SPDEF: variants seen among roughly 807,000 people sequenced by gnomAD.
SPDEF encodes SAM pointed domain containing ETS transcription factor, also known as SAM pointed domain-containing Ets transcription factor.
SPDEF carries 12 observed loss-of-function variants against 36.0 expected under a neutral mutation model. That is an observed-to-expected ratio of 0.33 (90% CI 0.21 to 0.54). SPDEF has a LOEUF of 0.54. SPDEF is among the 20% of genes least tolerant of loss of function. The probability of loss-of-function intolerance (pLI) is 0.93; values close to 1 mark genes in which losing one functional copy is unlikely to be tolerated. For missense variants in SPDEF, 388 were observed against 456.9 expected (o/e 0.85, Z 1.37); for synonymous variants, 205 against 193.0 (o/e 1.06, Z -0.51).
In SPDEF at chr6:34,545,438, C is replaced by T. The variant is rs974840514; in HGVS notation, c.-29-954G>A. Among the ~76,000 whole-genome samples the T allele has an allele frequency of 1.2e-4, 19 of 152,278 alleles. 1 individual carries two copies. Among genetic ancestry groups the T allele is most frequent in the Non-Finnish European group, 2.6e-4 (18 of 68,056 alleles). ...GGGAACCATCTGGCCTCAACACAAG[C>T]AGTCAGAGGCCTTGCTCCCCACGGG... On this transcript the variant is annotated intron_variant, in intron 1 of 5. Coordinates refer to ENST00000374037, the MANE Select transcript of SPDEF (RefSeq NM_012391.3).
rs1767892295 is a variant in SPDEF at position 34,544,172 on chromosome 6, A to G, written c.284T>C (p.Val95Ala). The G allele has an allele frequency of 6.2e-7, 1 of 1,613,712 alleles. No homozygotes were observed. The highest frequency in any genetic ancestry group is 8.5e-7 in the Non-Finnish European group (1 of 1,179,952). ...GCCCGCTGGGGCTTGGCTGTCAATG[A>G]CCGGGCACTGCTCAGGCTCCTCAGG... is the stretch of plus-strand genomic sequence containing the variant. Reference protein sequence around the residue: ...EPPEEPEQCPVIDSQAPAGSL... With the variant: ...EPPEEPEQCPAIDSQAPAGSL... The change falls in exon 2 of 6, where the codon GTC (valine) becomes GCC (alanine). Residue 95 changes from valine to alanine, a missense_variant. Val to Ala is a moderately conservative substitution (Grantham distance 64). Around this residue, in one of 2 missense-constraint regions of SPDEF, gnomAD observed 308 missense variants for 326.1 expected, o/e 0.94. Transcript: ENST00000374037. This position sits in a 1 kb window ranked among gnomAD's most constrained non-coding sequence, Gnocchi z 4.4.
intron 2 of SPDEF, among the ~76,000 whole-genome samples, chr6:34,542,307 A>C (rs559341403): frequency 4.0e-4 from 61 of 152,332 alleles, no homozygotes; most frequent in Admixed American, 9.8e-4. Context: ...GGACTGCCTG[A>C]AGCTGGAGAG....
Position 34,538,481 on chromosome 6 carries a change from G to A in SPDEF, c.830-29C>T. 2 of 1,583,442 alleles carry A rather than the reference G, an allele frequency of 1.3e-6. No homozygotes were observed. The highest frequency in any genetic ancestry group is 1.7e-6 in the Non-Finnish European group (2 of 1,162,358). ...GAGCAGGAGGGCCCCGAGAGAGCCA[G>A]TGGTATGAGTGAGGTGGCAAGAAGG... On this transcript the variant is annotated intron_variant, in intron 5 of 5. Coordinates refer to ENST00000374037, the MANE Select transcript of SPDEF (RefSeq NM_012391.3). This position sits in a 1 kb window ranked among gnomAD's most constrained non-coding sequence, Gnocchi z 5.9.
intron 1 of SPDEF, among the ~76,000 whole-genome samples, chr6:34,550,443 C>A (rs946219497): frequency 1.8e-4 from 28 of 152,192 alleles, no homozygotes; most frequent in African/African-American, 6.5e-4. Flanking sequence ...CTCTCAAGCA[C>A]CCCATTGTGG....
Position 34,538,559 on chromosome 6 carries a change from C to G in SPDEF, c.830-107G>C. The G allele has an allele frequency of 8.7e-7, 1 of 1,155,096 alleles. No individual in the cohort carries two copies. Among genetic ancestry groups the G allele is most frequent in the Non-Finnish European group, 1.2e-6 (1 of 816,610 alleles). The allele number at this position is 1,155,096 out of a possible 1,614,324, so 71.6% of individuals were successfully genotyped here. On this transcript the variant is annotated intron_variant, in intron 5 of 5. Transcript: ENST00000374037. The surrounding 1 kb of genome is among the most constrained non-coding windows in gnomAD (Gnocchi z 5.9). ...TCGTGGCGAACCAAGGGACCCCGTG[C>G]AGAGGCCTCCCCCTGCTCGGGTGGG...
At chr6:34,545,740 T>C (rs1171642553) in intron 1 of SPDEF, among the ~76,000 whole-genome samples, 2 of 152,104 alleles carry the variant, frequency 1.3e-5, no homozygotes, top group African/African-American at 4.8e-5. Flanking sequence ...TGAAACCCTG[T>C]CCCTACTAAA....
intron 2 of SPDEF, among the ~76,000 whole-genome samples, chr6:34,541,885 G>A (rs573356233): frequency 1.3e-5 from 2 of 152,322 alleles, no homozygotes; most frequent in South Asian, 2.1e-4. Context: ...TATAGGTGGG[G>A]GATAGGCTGG....
At position 34,539,020 on chromosome 6, in the gene SPDEF, G is replaced by C. The variant is rs910024029; in HGVS notation, c.829+230C>G. Among the ~76,000 whole-genome samples, 1 of 152,208 alleles carries C rather than the reference G, an allele frequency of 6.6e-6. No homozygotes were observed. Among genetic ancestry groups the C allele is most frequent in the African/African-American group, 2.4e-5 (1 of 41,430 alleles). ...TGGAGCTCGTTCCAGGTGCTGTGCA[G>C]TACTAAAACTCCTAAGTGAGACAGA... On this transcript the variant is annotated intron_variant, in intron 5 of 5. Coordinates refer to ENST00000374037, the MANE Select transcript of SPDEF (RefSeq NM_012391.3). This position sits in a 1 kb window ranked among gnomAD's most constrained non-coding sequence, Gnocchi z 5.2.
At position 34,539,666 on chromosome 6, in the gene SPDEF, C is replaced by T; in HGVS notation, c.635-104G>A. ...TGGGGCCACAGGAGCCCCTCTGTGG[C>T]TGGGGGTTGCCCCTGTGGCTCCCTG... On this transcript the variant is annotated intron_variant, in intron 3 of 5. Coordinates refer to ENST00000374037, the MANE Select transcript of SPDEF (RefSeq NM_012391.3). The surrounding 1 kb of genome is among the most constrained non-coding windows in gnomAD (Gnocchi z 5.2). The T allele has an allele frequency of 7.3e-7, 1 of 1,367,620 alleles. No individual in the cohort carries two copies. The allele number at this position is 1,367,620 out of a possible 1,614,324, so 84.7% of individuals were successfully genotyped here. A position where few individuals can be genotyped will look rare whatever the true frequency, so the allele number is the denominator to read the frequency against.
chr6:34,546,128 A>G (rs1053952472), intron 1 of SPDEF, among the ~76,000 whole-genome samples: 3 of 152,208 alleles, frequency 2.0e-5, no homozygotes, highest in African/African-American at 4.8e-5. Flanking sequence ...CGTCTGGGCC[A>G]GCAGAACCAG....
At position 34,544,635 on chromosome 6, in the gene SPDEF, G is replaced by T. The variant is rs372842314; in HGVS notation, c.-29-151C>A. 3.8e-4 allele frequency among the ~76,000 whole-genome samples: 58 copies of T among 152,322 alleles called. No homozygotes were observed. Among genetic ancestry groups the T allele is most frequent in the Non-Finnish European group, 6.3e-4 (43 of 68,028 alleles). ...CGGGTCATTGGGCAGCCACGACATGGTTGGGCAGACAGGCCTTCTGGCTGG... is the reference window on the plus strand; with the variant it reads ...CGGGTCATTGGGCAGCCACGACATGTTTGGGCAGACAGGCCTTCTGGCTGG... On this transcript the variant is annotated intron_variant, in intron 1 of 5. Transcript: ENST00000374037. The surrounding 1 kb of genome is among the most constrained non-coding windows in gnomAD (Gnocchi z 4.4).
rs2233646 is a variant in SPDEF at position 34,539,478 on chromosome 6, C to A, written c.682+37G>T. On this transcript the variant is annotated intron_variant, in intron 4 of 5. Transcript: ENST00000374037. The surrounding 1 kb of genome is among the most constrained non-coding windows in gnomAD (Gnocchi z 5.2). ...TTGGCAGCCACCCCTCCACCCCACC[C>A]GAGCCCCCGCCTCCACCCTGCCGCT... 4.3e-3 allele frequency: 6,761 copies of A among 1,567,340 alleles called. 244 individuals are homozygous for A. In the African/African-American group the frequency reaches 0.08, roughly 18 times the overall value.
At chr6:34,549,223 A>G (rs547492088) in intron 1 of SPDEF, among the ~76,000 whole-genome samples, 3 of 152,340 alleles carry the variant, frequency 2.0e-5, no homozygotes, top group African/African-American at 7.2e-5. Flanking sequence ...CAGAGGCCCC[A>G]GATCCCACTC....
At chr6:34,550,806 A>G (rs913239587) in intron 1 of SPDEF, among the ~76,000 whole-genome samples, 1 of 152,162 alleles carries the variant, frequency 6.6e-6, no homozygotes, top group African/African-American at 2.4e-5. Context: ...AAGACGGGGC[A>G]CTGGAAGCCA....
rs1488423113 is a variant in SPDEF at position 34,541,128 on chromosome 6, G to A, written c.490C>T (p.His164Tyr). ...CCCATGGGGGGCAGCCGGTATTGGT[G>A]CTCTGTCCACAGGAGCCACTTCTGC... ...NVQKWLLWTEHQYRLPPMGKA... is the reference protein window; with the variant it reads ...NVQKWLLWTEYQYRLPPMGKA... The change falls in exon 3 of 6, where the codon CAC becomes TAC. Residue 164 changes from histidine to tyrosine, a missense_variant. Physicochemically the swap from His to Tyr is moderately conservative, Grantham distance 83. Transcript: ENST00000374037. 6.2e-7 allele frequency: 1 copy of A among 1,609,690 alleles called. No individual in the cohort carries two copies. Among genetic ancestry groups the A allele is most frequent in the Non-Finnish European group, 8.5e-7 (1 of 1,178,428 alleles).
intron 3 of SPDEF, 112 bp downstream of exon 3, chr6:34,540,872 T>A (rs1767802762): frequency 1.0e-6 from 1 of 955,640 alleles, no homozygotes; most frequent in Admixed American, 2.3e-5. Flanking sequence ...CAGAGTGGAG[T>A]CCAGTTGGGG....
intron 1 of SPDEF, among the ~76,000 whole-genome samples, chr6:34,549,456 C>A (rs199767993): frequency 1.3e-5 from 2 of 152,288 alleles, no homozygotes; most frequent in East Asian, 3.9e-4. Flanking sequence ...CCCCTCGGGG[C>A]TAGAAATGTG....
At chr6:34,550,154 C>G (rs907618497) in intron 1 of SPDEF, among the ~76,000 whole-genome samples, 4 of 152,212 alleles carry the variant, frequency 2.6e-5, no homozygotes, top group Admixed American at 6.5e-5. Context: ...CACCCTGACC[C>G]CTGCCCTGCC....
chr6:34,544,170 T>C lies in SPDEF; in HGVS notation c.286A>G (p.Ile96Val). Reference protein sequence around the residue: ...PPEEPEQCPVIDSQAPAGSLD... With the variant: ...PPEEPEQCPVVDSQAPAGSLD... The stretch of plus-strand genomic sequence containing the variant: ...CTGCCCGCTGGGGCTTGGCTGTCAA[T>C]GACCGGGCACTGCTCAGGCTCCTCA... The change falls in exon 2 of 6, where the codon ATT becomes GTT. Residue 96 changes from isoleucine (I) to valine (V), a missense_variant. Transcript: ENST00000374037. This position sits in a 1 kb window ranked among gnomAD's most constrained non-coding sequence, Gnocchi z 4.4. 1 of 1,613,870 alleles carries C rather than the reference T, an allele frequency of 6.2e-7. No individual in the cohort carries two copies. The highest frequency in any genetic ancestry group is 8.5e-7 in the Non-Finnish European group (1 of 1,179,954).
Sources: allele counts gnomAD v4.1 joint callset (sites outside exome capture counted in the v4.1 genomes callset), GRCh38; gene constraint gnomAD v4.1.1; regional missense constraint gnomAD v4.1.1; non-coding constraint Gnocchi (gnomAD v3.1); transcripts MANE v1.5; gene names NCBI Gene and HGNC (gene_info 2026-07-23, HGNC 2026-07-21).